The following EPB41 variants were observed in gnomAD, a reference collection of about 807,000 sequenced individuals.
EPB41 encodes erythrocyte membrane protein band 4.1.
A neutral mutation model predicts 108.0 loss-of-function variants in EPB41; 65 were observed. The ratio of observed to expected loss-of-function variants is 0.60; its 90% CI spans 0.49 to 0.74. The LOEUF (loss-of-function observed/expected upper bound fraction) is 0.74, where lower values mean the gene tolerates loss of function less well. Among genes scored for constraint, EPB41 ranks in the 30% least tolerant of loss-of-function variants. The pLI, the probability that EPB41 is intolerant of heterozygous loss-of-function variation, is 0.00. For missense variants in EPB41, 875 were observed against 1,037.0 expected (o/e 0.84, Z 2.15); for synonymous variants, 336 against 358.9 (o/e 0.94, Z 0.72).
chr1:29,013,725 C>T (rs997849118), intron 5 of EPB41, among the ~76,000 whole-genome samples: 2 of 151,646 alleles, frequency 1.3e-5, no homozygotes, highest in African/African-American at 2.4e-5. Flanking sequence ...GACAGGGTTT[C>T]GCCATGTTGG....
At chr1:28,951,534 G>T (rs1201968328) in intron 1 of EPB41, among the ~76,000 whole-genome samples, 2 of 152,092 alleles carry the variant, frequency 1.3e-5, no homozygotes, top group Non-Finnish European at 2.9e-5. Context: ...AGTTGTCCAG[G>T]AAAAAGGTAC....
intron 1 of EPB41, among the ~76,000 whole-genome samples, chr1:28,909,292 T>C (rs1340348619): frequency 1.3e-5 from 2 of 151,996 alleles, no homozygotes; most frequent in Non-Finnish European, 2.9e-5. Flanking sequence ...TGACTTAATA[T>C]ATGTACACTG....
chr1:29,109,699 C>G, intron 18 of EPB41: 1 of 500,244 alleles, frequency 2.0e-6, no homozygotes, highest in Non-Finnish European at 3.7e-6. Flanking sequence ...ATCTGTCTCT[C>G]TGGTCAGTGA....
At chr1:29,069,441 CATT>C (rs1050402508) in intron 16 of EPB41, 29 of 1,222,484 alleles carry the variant, frequency 2.4e-5, no homozygotes, top group Middle Eastern at 3.1e-4. Context: ...TCATGATGGT[CATT>C]ATTATTTATT....
chr1:28,959,281 A>G (rs889471059), intron 1 of EPB41, among the ~76,000 whole-genome samples: 1 of 148,338 alleles, frequency 6.7e-6, no homozygotes, highest in Non-Finnish European at 1.5e-5. Context: ...CAATGGTGCA[A>G]TATTGGCTCA....
At chr1:28,893,451 C>T (rs2090339410) in intron 1 of EPB41, 1 of 152,256 alleles carries the variant, frequency 6.6e-6, no homozygotes, top group South Asian at 2.1e-4. Context: ...TGTCTCCTCA[C>T]TGCATTGTAA....
At chr1:28,971,046 C>T (rs1190297835) in intron 1 of EPB41, among the ~76,000 whole-genome samples, 1 of 151,968 alleles carries the variant, frequency 6.6e-6, no homozygotes, top group Non-Finnish European at 1.5e-5. Context: ...GAGGGTTTCA[C>T]CATGTTGGCC....
chr1:29,018,294 G>A lies in EPB41; in HGVS notation c.976G>A (p.Ala326Thr). The A allele has an allele frequency of 3.1e-6, 5 of 1,614,082 alleles. 1 individual carries two copies. The highest frequency in any genetic ancestry group is 4.2e-6 in the Non-Finnish European group (5 of 1,180,032). Residue 326 changes from alanine to threonine, a missense_variant, in exon 7 of 21, where the codon GCA becomes ACA. By Grantham distance (58) the Ala-to-Thr change is moderately conservative (BLOSUM62 0). Coordinates refer to ENST00000343067, the MANE Select transcript of EPB41 (RefSeq NM_001376013.1). The surrounding 1 kb of genome is among the most constrained non-coding windows in gnomAD (Gnocchi z 4.4). ...TCTGCCCTGTTCCTTTGCAACCTTA[G>A]CATTATTAGGTTCTTACACCATCCA... ...GRLPCSFATL[A>T]LLGSYTIQSE...
chr1:29,067,280 G>A (rs1443924779), intron 16 of EPB41, among the ~76,000 whole-genome samples: 1 of 151,496 alleles, frequency 6.6e-6, no homozygotes, highest in African/African-American at 2.4e-5. Flanking sequence ...GGTGGATCAC[G>A]AGGTCAGGAG....
At chr1:29,027,545 G>A in intron 7 of EPB41, among the ~76,000 whole-genome samples, 1 of 151,842 alleles carries the variant, frequency 6.6e-6, no homozygotes, top group East Asian at 2.0e-4. Context: ...TGGTCAGGCT[G>A]GTCTCAAACT....
At chr1:28,896,129 G>A (rs1448346093) in intron 1 of EPB41, among the ~76,000 whole-genome samples, 1 of 152,172 alleles carries the variant, frequency 6.6e-6, no homozygotes, top group East Asian at 1.9e-4. Flanking sequence ...TTTCTTACCT[G>A]TAAAATGGGG....
chr1:29,033,052 A>G, intron 8 of EPB41, 41 bp from the exon 9 acceptor site: 1 of 1,597,020 alleles, frequency 6.3e-7, no homozygotes, highest in Non-Finnish European at 8.6e-7. Context: ...TGTATTGAGT[A>G]CTTTGCTCCA....
intron 11 of EPB41, 136 bp from the exon 12 acceptor site, chr1:29,052,968 C>A (rs2150749818): frequency 2.1e-6 from 2 of 935,850 alleles, no homozygotes; most frequent in Middle Eastern, 3.1e-4. Flanking sequence ...TTATTTTTTA[C>A]CCTCTGTGTG....
intron 1 of EPB41, among the ~76,000 whole-genome samples, chr1:28,946,351 C>G (rs1285160734): frequency 6.6e-6 from 1 of 152,136 alleles, no homozygotes; most frequent in Non-Finnish European, 1.5e-5. Flanking sequence ...TCGTGATCCA[C>G]CTGCCTTGGC....
intron 16 of EPB41, among the ~76,000 whole-genome samples, chr1:29,080,950 G>C (rs1656348936): frequency 6.6e-6 from 1 of 152,096 alleles, no homozygotes; most frequent in Admixed American, 6.6e-5. Context: ...AATCATTAAG[G>C]AAGTAGGAGT....
intron 1 of EPB41, among the ~76,000 whole-genome samples, chr1:28,950,100 A>G (rs937228363): frequency 6.6e-6 from 1 of 152,058 alleles, no homozygotes; most frequent in African/African-American, 2.4e-5. Flanking sequence ...CTCCTTGTAC[A>G]TGTGTGTGTT....
chr1:29,045,657 C>G (rs977745218), intron 11 of EPB41, among the ~76,000 whole-genome samples: 10 of 150,552 alleles, frequency 6.6e-5, no homozygotes, highest in African/African-American at 2.4e-4. Flanking sequence ...ACCCAGCCAT[C>G]GTTTGCTATC....
At chr1:29,097,382 C>A in intron 16 of EPB41, 1 of 202,106 alleles carries the variant, frequency 4.9e-6, no homozygotes. Context: ...ATTCCATTGC[C>A]ACTGCTGTTT....
At chr1:29,003,724 C>T (rs1190501815) in intron 4 of EPB41, among the ~76,000 whole-genome samples, 1 of 152,212 alleles carries the variant, frequency 6.6e-6, no homozygotes, top group Admixed American at 6.5e-5. Flanking sequence ...CCTTTTCCTA[C>T]TGACTGCGTG....
Sources: allele counts gnomAD v4.1 joint callset (sites outside exome capture counted in the v4.1 genomes callset), GRCh38; gene constraint gnomAD v4.1.1; non-coding constraint Gnocchi (gnomAD v3.1); transcripts MANE v1.5; gene names NCBI Gene and HGNC (gene_info 2026-07-23, HGNC 2026-07-21).